Variants in ZNF565 observed in about 807,000 individuals in gnomAD.
The protein encoded by ZNF565 is zinc finger protein 565.
Under a neutral mutation model 39.4 loss-of-function variants are expected in ZNF565, and 27 were observed. That is an observed-to-expected ratio of 0.69 (90% CI 0.51 to 0.95). The LOEUF (loss-of-function observed/expected upper bound fraction) is 0.95. Ranked by LOEUF, ZNF565 falls within the 40% of genes least tolerant of loss-of-function variation. The pLI, the probability that ZNF565 is intolerant of heterozygous loss-of-function variation, is 0.00. For missense variants in ZNF565, 524 were observed against 621.1 expected, an observed-to-expected ratio of 0.84 and a Z score of 1.66; for synonymous variants, 185 against 216.6, an observed-to-expected ratio of 0.85 and a Z score of 1.28.
chr19:36,231,234 T>C (rs1345051107), intron 1 of ZNF565, among the ~76,000 whole-genome samples: 1 of 152,016 alleles, frequency 6.6e-6, no homozygotes, highest in Non-Finnish European at 1.5e-5. Flanking sequence ...TTTTGAGACA[T>C]AGTTTCACTC....
At chr19:36,244,553 A>AT (rs965260765) in intron 1 of ZNF565, among the ~76,000 whole-genome samples, 26 of 150,790 alleles carry the variant, frequency 1.7e-4, no homozygotes, top group Admixed American at 4.6e-4. Context: ...AAGTTTATTA[A>AT]TTTTTTTTTA....
intron 2 of ZNF565, among the ~76,000 whole-genome samples, chr19:36,197,343 G>A (rs897593949): frequency 4.6e-5 from 7 of 151,188 alleles, no homozygotes; most frequent in South Asian, 2.1e-4. Context: ...ATGATGGTGC[G>A]TGCCTGTAGT....
intron 1 of ZNF565, among the ~76,000 whole-genome samples, chr19:36,235,369 T>C (rs895379163): frequency 6.6e-6 from 1 of 152,200 alleles, no homozygotes; most frequent in Non-Finnish European, 1.5e-5. Flanking sequence ...TCAAGAGTAC[T>C]TTCAGCTTTG....
intron 4 of ZNF565, among the ~76,000 whole-genome samples, chr19:36,185,119 G>GA (rs1014153562): frequency 0.034 from 4,435 of 132,024 alleles, 164 homozygotes; most frequent in African/African-American, 0.1. Flanking sequence ...GTCCATCTCA[G>GA]AAAAAAAAAA....
chr19:36,222,270 A>T (rs1017286911), intron 1 of ZNF565, among the ~76,000 whole-genome samples: 1 of 152,076 alleles, frequency 6.6e-6, no homozygotes, highest in African/African-American at 2.4e-5. Flanking sequence ...TTTTTTTTTC[A>T]GCTGCTGTAT....
upstream of ZNF565, among the ~76,000 whole-genome samples, chr19:36,218,767 C>G (rs992367061): frequency 6.6e-6 from 1 of 151,296 alleles, no homozygotes; most frequent in South Asian, 2.1e-4. Flanking sequence ...CTGCGCCCGG[C>G]CTAATATTTC....
chr19:36,245,513 C>T lies in ZNF565; in HGVS notation c.18G>A (p.Trp6Ter). The T allele has an allele frequency of 2.8e-6, 2 of 702,320 alleles. No individual in the cohort carries two copies. The highest frequency in any genetic ancestry group is 2.7e-5 in the East Asian group (1 of 37,274). The allele number at this position is 702,320 out of a possible 1,614,324, so 43.5% of individuals were successfully genotyped here. The stretch of plus-strand genomic sequence containing the variant: ...GGTGACTTGCGAGGGACCACCTTTC[C>T]CAGGGTCCACGGCGCATTTAGGTGG... The change falls in exon 1 of 5, where the codon TGG becomes TGA. Residue 6 changes from tryptophan to a stop codon, truncating the protein, a stop_gained. Coordinates refer to the ZNF565 transcript ENST00000355114. LOFTEE classifies it high-confidence loss of function. The surrounding 1 kb of genome is among the most constrained non-coding windows in gnomAD (Gnocchi z 4.4).
At chr19:36,225,870 C>G (rs1977045922) in intron 1 of ZNF565, among the ~76,000 whole-genome samples, 2 of 149,904 alleles carry the variant, frequency 1.3e-5, no homozygotes, top group Admixed American at 1.4e-4. Flanking sequence ...AAGCAGTCCT[C>G]CTGCTTCAGG....
chr19:36,200,832 C>G (rs560586766), intron 2 of ZNF565, among the ~76,000 whole-genome samples: 2 of 148,878 alleles, frequency 1.3e-5, no homozygotes, highest in South Asian at 4.3e-4. Flanking sequence ...TCGCCCAAGC[C>G]GGAGTGCAGT....
intron 1 of ZNF565, chr19:36,236,394 T>C (rs1206914676): frequency 6.5e-7 from 1 of 1,542,252 alleles, no homozygotes; most frequent in African/African-American, 1.4e-5. Context: ...CATCAAGAAA[T>C]TTTTACTGGA....
chr19:36,203,583 T>C (rs999374724), intron 1 of ZNF565: 2 of 152,244 alleles, frequency 1.3e-5, no homozygotes, highest in Non-Finnish European at 2.9e-5. Flanking sequence ...GAGGGTTCTT[T>C]TTTTCCTTTT....
In ZNF565 at chr19:36,182,927, T is replaced by C; in HGVS notation, c.1039A>G (p.Ser347Gly). The C allele has an allele frequency of 6.2e-7, 1 of 1,613,676 alleles. No individual in the cohort carries two copies. The highest frequency in any genetic ancestry group is 8.5e-7 in the Non-Finnish European group (1 of 1,179,910). The change falls in exon 5 of 5, where the codon AGC becomes GGC. Residue 347 changes from serine to glycine, a missense_variant. Physicochemically the swap from Ser to Gly is moderately conservative, Grantham distance 56. Coordinates refer to ENST00000304116, the MANE Select transcript of ZNF565 (RefSeq NM_152477.5). ...CTTTGATGTCGAGTAACTTCTGAGC[T>C]GTGAATAAAGCCCTTTCCGCATTCC... ...CKECGKGFIH[S>G]SEVTRHQRIH... is the part of the protein sequence containing the mutation.
Position 36,183,742 on chromosome 19 carries a change from T to C in ZNF565, c.233-9A>G. 3 of 1,593,936 alleles carry C rather than the reference T, an allele frequency of 1.9e-6. No homozygotes were observed. Among genetic ancestry groups the C allele is most frequent in the Non-Finnish European group, 2.6e-6 (3 of 1,172,014 alleles). On this transcript the variant is annotated splice_polypyrimidine_tract_variant and intron_variant, in intron 4 of 4. Transcript: ENST00000304116. ...ACACCTGGACTCCAAGTCTGAAAAA[T>C]AAGAAAAAGATAAATACAAGCTGTG...
rs958428927 is a variant in ZNF565 at position 36,237,355 on chromosome 19, C to A, written c.55+8121G>T. ...AAAGCCTTGAAAGTGGGAAAGCTTT[C>A]ATTAGAAATTTGCACCTCATCATGC... On this transcript the variant is annotated intron_variant, in intron 1 of 4. Transcript: ENST00000355114. 6 of 1,551,598 alleles carry A rather than the reference C, an allele frequency of 3.9e-6. No homozygotes were observed. The African/African-American group carries it at 8.3e-5, about 21-fold the overall frequency.
At chr19:36,198,907 A>C (rs1203525089) in intron 2 of ZNF565, among the ~76,000 whole-genome samples, 1 of 152,006 alleles carries the variant, frequency 6.6e-6, no homozygotes, top group East Asian at 1.9e-4. Flanking sequence ...GCCTAAATGT[A>C]CATTTTAAAA....
At chr19:36,232,914 T>A (rs1977450056) in intron 1 of ZNF565, among the ~76,000 whole-genome samples, 1 of 152,238 alleles carries the variant, frequency 6.6e-6, no homozygotes, top group African/African-American at 2.4e-5. Context: ...GAACATTTTT[T>A]AAATATAACA....
At chr19:36,215,466 G>A (rs1976560756), upstream of ZNF565, among the ~76,000 whole-genome samples, 1 of 152,160 alleles carries the variant, frequency 6.6e-6, no homozygotes, top group South Asian at 2.1e-4. Flanking sequence ...TAGGAGACCA[G>A]CATTGAGGTA....
rs774266662 is a variant in ZNF565 at position 36,183,676 on chromosome 19, A to G, written c.290T>C (p.Phe97Ser). The G allele has an allele frequency of 1.9e-6, 3 of 1,613,276 alleles. No individual in the cohort carries two copies. The highest frequency in any genetic ancestry group is 2.7e-5 in the African/African-American group (2 of 74,894). ...AAGGCTTTCCATTATCTCCCAGTTG[A>G]ATGCCCCGATTTCAAAAATGTCTTT... is the stretch of plus-strand genomic sequence containing the variant. ...LQKDIFEIGA[F>S]NWEIMESLKC... Residue 97 changes from phenylalanine to serine, a missense_variant, in exon 5 of 5, where the codon TTC (phenylalanine) becomes TCC (serine). Transcript: ENST00000304116.
rs566426326 is a variant in ZNF565, at chr19:36,194,108, A to G, written c.232+125T>C. On this transcript the variant is annotated intron_variant, in intron 4 of 4. Transcript: ENST00000304116. ...CGCTAATAAAGTCTTTACTCGCCAC[A>G]TCTTCACGTTTCAGGCCTTTCTTCC... 8.1e-5 allele frequency: 55 copies of G among 676,866 alleles called. No homozygotes were observed. In the African/African-American group the frequency reaches 8.6e-4, roughly 11 times the overall value. The allele number at this position is 676,866 out of a possible 1,614,324, so 41.9% of individuals were successfully genotyped here. A position where few individuals can be genotyped will look rare whatever the true frequency, so the allele number is the denominator to read the frequency against.
Sources: gnomAD v4.1 joint callset for allele counts (sites outside exome capture counted in the v4.1 genomes callset) on GRCh38, gnomAD v4.1.1 for gene constraint, Gnocchi (gnomAD v3.1) non-coding constraint, MANE v1.5 for transcripts, NCBI Gene and HGNC (gene_info 2026-07-23, HGNC 2026-07-21) for gene names.